Variants in HSD17B11 observed in about 807,000 individuals in gnomAD.
The protein encoded by HSD17B11 is estradiol 17-beta-dehydrogenase 11.
A neutral mutation model predicts 27.8 loss-of-function variants in HSD17B11; 22 were observed. The ratio of observed to expected loss-of-function variants is 0.79; its 90% CI spans 0.56 to 1.13. The LOEUF (loss-of-function observed/expected upper bound fraction) is 1.13. Among genes scored for constraint, HSD17B11 ranks in the 50% most tolerant of loss-of-function variants. The pLI, the probability that HSD17B11 is intolerant of heterozygous loss-of-function variation, is 0.00. For synonymous variants in HSD17B11, 117 were observed against 132.8 expected (o/e 0.88, Z 0.82); for missense variants, 314 against 351.1 (o/e 0.89, Z 0.84).
chr4:87,355,456 A>G (rs1046987842), intron 5 of HSD17B11, among the ~76,000 whole-genome samples: 7 of 152,164 alleles, frequency 4.6e-5, no homozygotes, highest in Admixed American at 1.3e-4. Context: ...TGAGAAAAAA[A>G]TCCCTAAGAA....
At chr4:87,390,431 CAGGCGTG>C (rs1451304805) in intron 1 of HSD17B11, among the ~76,000 whole-genome samples, 1 of 152,234 alleles carries the variant, frequency 6.6e-6, no homozygotes, top group African/African-American at 2.4e-5. Flanking sequence ...GCTGGGATTA[CAGGCGTG>C]AGCCAACGGC....
At chr4:87,380,863 C>CAAAAAAAAAAAAAAAAAAAA (rs561938045) in intron 2 of HSD17B11, among the ~76,000 whole-genome samples, 3 of 74,730 alleles carry the variant, frequency 4.0e-5, no homozygotes, top group Admixed American at 1.6e-4. Context: ...GACTCTATCT[C>CAAAAAAAAAAAAAAAAAAAA]AAAAAAAAAA....
At chr4:87,387,523 C>A (rs1720351787) in intron 1 of HSD17B11, among the ~76,000 whole-genome samples, 1 of 152,192 alleles carries the variant, frequency 6.6e-6, no homozygotes, top group Admixed American at 6.5e-5. Context: ...GCTACCTGGA[C>A]TGCTCCAAAT....
intron 5 of HSD17B11, among the ~76,000 whole-genome samples, chr4:87,354,949 CAAA>C (rs11305478): frequency 1.2e-4 from 11 of 91,910 alleles, no homozygotes; most frequent in African/African-American, 1.3e-4. Flanking sequence ...TCCTGGCTCT[CAAA>C]AAAAAAAAAA....
At chr4:87,372,386 T>G (rs966785921) in intron 4 of HSD17B11, among the ~76,000 whole-genome samples, 3 of 152,084 alleles carry the variant, frequency 2.0e-5, no homozygotes, top group African/African-American at 7.2e-5. Context: ...TGTTAATAAT[T>G]AATACTAATT....
At chr4:87,372,569 A>AT (rs1274857842) in intron 4 of HSD17B11, 140 bp downstream of exon 4, 2 of 594,732 alleles carry the variant, frequency 3.4e-6, no homozygotes, top group Non-Finnish European at 3.0e-6. Flanking sequence ...CTTTCTGCTT[A>AT]TTTTTTGACA....
At chr4:87,378,858 A>T in intron 2 of HSD17B11, among the ~76,000 whole-genome samples, 1 of 19,190 alleles carries the variant, frequency 5.2e-5, no homozygotes, top group African/African-American at 4.7e-4. Context: ...ATATATATAA[A>T]TATATATAAA....
At position 87,391,018 on chromosome 4, in the gene HSD17B11, G is replaced by C. The variant is rs780454267; in HGVS notation, c.53C>G (p.Ser18Cys). Residue 18 changes from serine (S) to cysteine (C), a missense_variant, in exon 1 of 7, where the codon TCC (serine) becomes TGC (cysteine). Physicochemically the swap from Ser to Cys is moderately radical, Grantham distance 112 (BLOSUM62 -1). Coordinates refer to ENST00000358290, the MANE Select transcript of HSD17B11 (RefSeq NM_016245.5). ...AAAAAGCTTCACGAAGGACTCTAGGGAGCAGACGATCAGTAACGGGAGAAG... is the reference window on the plus strand; with the variant it reads ...AAAAAGCTTCACGAAGGACTCTAGGCAGCAGACGATCAGTAACGGGAGAAG... Reference protein sequence around the residue: ...LLLLPLLIVCSLESFVKLFIP... With the variant: ...LLLLPLLIVCCLESFVKLFIP... The C allele has an allele frequency of 6.2e-7, 1 of 1,613,898 alleles. No individual in the cohort carries two copies. The highest frequency in any genetic ancestry group is 1.1e-5 in the South Asian group (1 of 91,068).
intron 3 of HSD17B11, 137 bp from the exon 4 acceptor site, chr4:87,372,952 G>A (rs1320263494): frequency 1.1e-5 from 7 of 611,086 alleles, no homozygotes; most frequent in Admixed American, 8.8e-5. Context: ...ACTGACAAAT[G>A]CAGCAACAAT....
chr4:87,354,307 A>T lies in HSD17B11; in HGVS notation c.695+2972T>A, dbSNP rs140442095. ...TGATGAAACTCCGTCTCCACTAAAA[A>T]AATAATAATAATAATAAAATAGAAC... is the stretch of plus-strand genomic sequence containing the variant. On this transcript the variant is annotated intron_variant, in intron 5 of 6. Coordinates refer to ENST00000358290, the MANE Select transcript of HSD17B11 (RefSeq NM_016245.5). Among the ~76,000 whole-genome samples, 1,311 of 152,102 alleles carry T rather than the reference A, an allele frequency of 8.6e-3. 12 individuals are homozygous for T. Among genetic ancestry groups the T allele is most frequent in the African/African-American group, 0.028 (1,177 of 41,502 alleles).
At chr4:87,344,792 A>C (rs1735238962) in intron 5 of HSD17B11, among the ~76,000 whole-genome samples, 1 of 152,258 alleles carries the variant, frequency 6.6e-6, no homozygotes, top group African/African-American at 2.4e-5. Context: ...AAAGTTATAC[A>C]AACTATGTTC....
intron 5 of HSD17B11, among the ~76,000 whole-genome samples, chr4:87,346,349 A>G (rs1350286813): frequency 6.6e-6 from 1 of 152,202 alleles, no homozygotes; most frequent in Non-Finnish European, 1.5e-5. Context: ...AGTAGGATTT[A>G]TTAAATATAA....
chr4:87,379,376 C>T (rs112399155), intron 2 of HSD17B11, among the ~76,000 whole-genome samples: 20,216 of 150,420 alleles, frequency 0.13, 1,420 homozygotes, highest in Middle Eastern at 0.16. Flanking sequence ...TCACTCTGAA[C>T]GCATTCTTGC....
At chr4:87,385,082 C>A (rs1720273110) in intron 1 of HSD17B11, among the ~76,000 whole-genome samples, 1 of 152,130 alleles carries the variant, frequency 6.6e-6, no homozygotes, top group African/African-American at 2.4e-5. Flanking sequence ...TTACTGAAAT[C>A]TCCCTCACAA....
chr4:87,379,660 T>C (rs2110130031), intron 2 of HSD17B11, among the ~76,000 whole-genome samples: 1 of 145,022 alleles, frequency 6.9e-6, no homozygotes, highest in African/African-American at 2.5e-5. Context: ...TGTATGTATA[T>C]TATATATTAA....
chr4:87,340,554 T>A lies in HSD17B11; in HGVS notation c.748A>T (p.Ile250Phe). 6.2e-7 allele frequency: 1 copy of A among 1,613,254 alleles called. No individual in the cohort carries two copies. Among genetic ancestry groups the A allele is most frequent in the Non-Finnish European group, 8.5e-7 (1 of 1,179,632 alleles). Reference protein sequence around the residue: ...EEVVNRLMHGILTEQKMIFIP... With the variant: ...EEVVNRLMHGFLTEQKMIFIP... ...AAAATCATCTTCTGCTCAGTCAGAA[T>A]CCCATGCATCAGCCTGTTTACCACT... is the stretch of plus-strand genomic sequence containing the variant. The change falls in exon 6 of 7, where the codon ATT (isoleucine) becomes TTT (phenylalanine). Residue 250 changes from isoleucine (I) to phenylalanine (F), a missense_variant. Ile to Phe is a conservative substitution (Grantham distance 21). Coordinates refer to ENST00000358290, the MANE Select transcript of HSD17B11 (RefSeq NM_016245.5).
At chr4:87,363,692 C>T (rs1197938022) in intron 4 of HSD17B11, among the ~76,000 whole-genome samples, 2 of 152,196 alleles carry the variant, frequency 1.3e-5, no homozygotes. Context: ...AAAGCCTTTG[C>T]AAGCTCAAAA....
intron 3 of HSD17B11, 34 bp from the exon 4 acceptor site, chr4:87,372,849 C>G: frequency 7.9e-7 from 1 of 1,270,232 alleles, no homozygotes; most frequent in Non-Finnish European, 1.1e-6. Context: ...AGAAAAAATA[C>G]TGTATTTCAG....
At chr4:87,338,150 G>C (rs1428418635) in intron 6 of HSD17B11, among the ~76,000 whole-genome samples, 1 of 152,178 alleles carries the variant, frequency 6.6e-6, no homozygotes, top group East Asian at 1.9e-4. Flanking sequence ...CTGGGAGGTG[G>C]AGGTTGCAGT....
Sources: allele counts gnomAD v4.1 joint callset (sites outside exome capture counted in the v4.1 genomes callset), GRCh38; gene constraint gnomAD v4.1.1; transcripts MANE v1.5; gene names NCBI Gene and HGNC (gene_info 2026-07-23, HGNC 2026-07-21).